SMIM36: variants seen among roughly 807,000 people sequenced by gnomAD.
SMIM36 encodes the protein small integral membrane protein 36.
the SMIM36 span, among the ~76,000 whole-genome samples, chr17:55,524,336 G>A: frequency 6.6e-6 from 1 of 152,088 alleles, no homozygotes; most frequent in South Asian, 2.1e-4. Context: ...ATGGACATTA[G>A]GGTGATTCCA....
chr17:55,491,880 C>G (rs1369667822), intron 1 of SMIM36, among the ~76,000 whole-genome samples: 5 of 152,142 alleles, frequency 3.3e-5, no homozygotes, highest in African/African-American at 1.2e-4. Flanking sequence ...GCAAACTAGG[C>G]GGGGCGGGGT....
intron 3 of SMIM36, among the ~76,000 whole-genome samples, chr17:55,471,114 T>C (rs1383090665): frequency 1.3e-5 from 2 of 152,118 alleles, no homozygotes; most frequent in South Asian, 2.1e-4. Flanking sequence ...ACTATCCCCT[T>C]GCATCTCTCC....
chr17:55,456,576 C>T lies in SMIM36; in HGVS notation c.*532-6278G>A, dbSNP rs567157209. ...GAGAATCTGAAGAAAGCCCTGAGCC[C>T]TAATTTTCCGCAAATTAATTTAGAG... On this transcript the variant is annotated intron_variant, in intron 4 of 4. Transcript: ENST00000636752. Among the ~76,000 whole-genome samples, 5 of 152,284 alleles carry T rather than the reference C, an allele frequency of 3.3e-5. 1 individual carries two copies. The highest frequency in any genetic ancestry group is 1.2e-4 in the African/African-American group (5 of 41,540).
At chr17:55,496,156 G>A (rs1475448684) in intron 1 of SMIM36, among the ~76,000 whole-genome samples, 2 of 152,036 alleles carry the variant, frequency 1.3e-5, no homozygotes, top group African/African-American at 2.4e-5. Context: ...CCACGTTTCC[G>A]CTGAGCCACT....
intron 1 of SMIM36, among the ~76,000 whole-genome samples, chr17:55,491,358 A>G (rs928459309): frequency 6.6e-6 from 1 of 151,996 alleles, no homozygotes; most frequent in African/African-American, 2.4e-5. Context: ...AGGAGTTAAT[A>G]TCATCATTAT....
At position 55,492,819 on chromosome 17, in the gene SMIM36, A is replaced by T. The variant is rs143905646; in HGVS notation, c.*175-13239T>A. 4.6e-5 allele frequency among the ~76,000 whole-genome samples: 7 copies of T among 152,302 alleles called. No individual in the cohort carries two copies. The East Asian group carries it at 1.3e-3, about 29-fold the overall frequency. On this transcript the variant is annotated intron_variant, in intron 1 of 4. Coordinates refer to ENST00000636752, the Ensembl canonical transcript of SMIM36. ...ATATGTTTCACATTGTTAAAGTTCC[A>T]TGCACGGTGGCAAATTCATTATTTT...
chr17:55,452,637 C>T (rs1022449893), intron 4 of SMIM36, among the ~76,000 whole-genome samples: 5 of 152,204 alleles, frequency 3.3e-5, no homozygotes, highest in African/African-American at 1.2e-4. Context: ...CACATAGTGG[C>T]CATCCTGTTC....
the SMIM36 span, among the ~76,000 whole-genome samples, chr17:55,525,595 C>T: frequency 1.3e-5 from 2 of 152,150 alleles, no homozygotes; most frequent in African/African-American, 2.4e-5. Context: ...ATTTAATTCA[C>T]TGAGGATAGG....
the SMIM36 span, among the ~76,000 whole-genome samples, chr17:55,521,488 T>A: frequency 1.3e-5 from 2 of 152,270 alleles, no homozygotes; most frequent in Non-Finnish European, 2.9e-5. Flanking sequence ...TCATACCATC[T>A]GGAGGCATTC....
chr17:55,475,225 C>T (rs1454586691), intron 3 of SMIM36, among the ~76,000 whole-genome samples: 1 of 152,188 alleles, frequency 6.6e-6, no homozygotes, highest in Non-Finnish European at 1.5e-5. Context: ...TGCCGGTTTA[C>T]ACTTTTTCTC....
At chr17:55,450,522 T>A (rs913158350) in intron 4 of SMIM36, among the ~76,000 whole-genome samples, 1 of 152,212 alleles carries the variant, frequency 6.6e-6, no homozygotes, top group African/African-American at 2.4e-5. Flanking sequence ...TGCAAGTAGA[T>A]CACTTAGTCT....
chr17:55,473,577 C>T (rs1466088089), intron 3 of SMIM36, among the ~76,000 whole-genome samples: 3 of 152,112 alleles, frequency 2.0e-5, no homozygotes, highest in African/African-American at 7.2e-5. Context: ...CTACTCCTTA[C>T]CGTCCTCAAT....
the SMIM36 span, among the ~76,000 whole-genome samples, chr17:55,531,567 A>G: frequency 6.6e-6 from 1 of 152,230 alleles, no homozygotes; most frequent in African/African-American, 2.4e-5. Context: ...TTGGTAGTTA[A>G]CCTTTGGCCT....
At chr17:55,491,425 A>C (rs534513888) in intron 1 of SMIM36, among the ~76,000 whole-genome samples, 2 of 152,140 alleles carry the variant, frequency 1.3e-5, no homozygotes, top group African/African-American at 4.8e-5. Flanking sequence ...AATGTGTATT[A>C]ATTTTAGAAA....
upstream of SMIM36, among the ~76,000 whole-genome samples, chr17:55,514,304 CAGA>C (rs1383955872): frequency 6.6e-6 from 1 of 152,154 alleles, no homozygotes; most frequent in Non-Finnish European, 1.5e-5. Context: ...AGCTGCATTT[CAGA>C]AGAACCCCTT....
chr17:55,498,833 T>A (rs985739719), intron 1 of SMIM36, among the ~76,000 whole-genome samples: 3 of 151,552 alleles, frequency 2.0e-5, no homozygotes, highest in Non-Finnish European at 4.4e-5. Context: ...ACCCCGTCTC[T>A]ACTAAAAACA....
At chr17:55,487,360 A>G (rs1567867550) in intron 1 of SMIM36, among the ~76,000 whole-genome samples, 1 of 152,226 alleles carries the variant, frequency 6.6e-6, no homozygotes, top group Non-Finnish European at 1.5e-5. Context: ...ATAAAAAATA[A>G]ATAAATAAAA....
intron 1 of SMIM36, among the ~76,000 whole-genome samples, chr17:55,497,137 T>C (rs1909823846): frequency 6.6e-6 from 1 of 152,180 alleles, no homozygotes; most frequent in Admixed American, 6.5e-5. Context: ...CCCTAGTCCT[T>C]CTCTATGGAA....
chr17:55,476,233 G>A (rs774816750), intron 3 of SMIM36, among the ~76,000 whole-genome samples: 12 of 151,866 alleles, frequency 7.9e-5, no homozygotes, highest in Admixed American at 5.9e-4. Context: ...ATTTGTTCCC[G>A]CTTCACCCTA....
Sources: allele counts gnomAD v4.1 joint callset (sites outside exome capture counted in the v4.1 genomes callset), GRCh38; gene constraint gnomAD v4.1.1; transcripts MANE v1.5; gene names NCBI Gene and HGNC (gene_info 2026-07-23, HGNC 2026-07-21).